Variants in KLHL13 observed in about 807,000 individuals in gnomAD.
The protein encoded by KLHL13 is kelch-like protein 13.
In KLHL13, 10 loss-of-function variants were observed where a neutral mutation model predicts 37.1. That is an observed-to-expected ratio of 0.27 (90% confidence interval 0.17 to 0.46). The LOEUF (loss-of-function observed/expected upper bound fraction) is 0.46, where lower values mean the gene tolerates loss of function less well. Ranked by LOEUF, KLHL13 falls within the 20% of genes least tolerant of loss-of-function variation. The pLI, the probability that KLHL13 is intolerant of heterozygous loss-of-function variation, is 1.00. For missense variants in KLHL13, 360 were observed against 509.3 expected (o/e 0.71, Z 2.82); for synonymous variants, 163 against 181.2 (o/e 0.90, Z 0.81).
At chrX:118,019,487 T>C (rs2054172992) in intron 1 of KLHL13, among the ~76,000 whole-genome samples, 1 of 110,589 alleles carries the variant, frequency 9.0e-6, no homozygotes, top group Non-Finnish European at 1.9e-5. Flanking sequence ...GCAGAAGCTC[T>C]TTAGTTGAAT....
At chrX:118,077,195 T>C (rs2054938539) in intron 1 of KLHL13, among the ~76,000 whole-genome samples, 1 of 111,361 alleles carries the variant, frequency 9.0e-6, no homozygotes, top group African/African-American at 3.3e-5. Context: ...TCCAATGAAC[T>C]AGGCTAGGTA....
chrX:117,951,520 GTTT>G (rs1238913265), intron 1 of KLHL13, among the ~76,000 whole-genome samples: 1 of 111,039 alleles, frequency 9.0e-6, no homozygotes, highest in Non-Finnish European at 1.9e-5. Context: ...GTTATTTGTA[GTTT>G]TTTTAATGAC....
At chrX:117,902,828 C>A (rs1471958351) in intron 5 of KLHL13, among the ~76,000 whole-genome samples, 1 of 110,839 alleles carries the variant, frequency 9.0e-6, no homozygotes, top group African/African-American at 3.3e-5. Flanking sequence ...GCAGACACTG[C>A]CAACTGCTAA....
At position 118,030,259 on chromosome X, in the gene KLHL13, T is replaced by G. The variant is rs1363788084; in HGVS notation, c.-55-84684A>C. 6.2e-5 allele frequency among the ~76,000 whole-genome samples: 7 copies of G among 112,019 alleles called. 1 individual carries two copies. In the East Asian group the frequency reaches 2.0e-3, roughly 31 times the overall value. The stretch of plus-strand genomic sequence containing the variant: ...CTGAGTAGGTTAAATGAAATTAATA[T>G]TTTACACACTCTCACATGAACTGAC... On this transcript the variant is annotated intron_variant, in intron 1 of 6. Coordinates refer to the KLHL13 transcript ENST00000371882.
intron 1 of KLHL13, among the ~76,000 whole-genome samples, chrX:118,098,106 G>A (rs1340790723): frequency 1.8e-5 from 2 of 111,871 alleles, no homozygotes; most frequent in African/African-American, 6.5e-5. Context: ...AAGAGCTTCT[G>A]CACAGCAAAA....
chrX:118,073,836 G>A (rs2148119341), intron 1 of KLHL13, among the ~76,000 whole-genome samples: 1 of 111,368 alleles, frequency 9.0e-6, no homozygotes, highest in Non-Finnish European at 1.9e-5. Context: ...ATGTGAGCCT[G>A]CCTCTATTTC....
chrX:118,069,257 C>T (rs1362464746), intron 1 of KLHL13, among the ~76,000 whole-genome samples: 1 of 109,539 alleles, frequency 9.1e-6, no homozygotes, highest in Non-Finnish European at 1.9e-5. Flanking sequence ...AGCATTGTTA[C>T]CATAGGAAAT....
intron 1 of KLHL13, among the ~76,000 whole-genome samples, chrX:117,952,958 G>A (rs1271653524): frequency 9.0e-6 from 1 of 111,232 alleles, no homozygotes; most frequent in African/African-American, 3.3e-5. Context: ...CTGTTGGTGG[G>A]ACTGTAAACT....
chrX:117,957,972 C>T (rs901479226), intron 1 of KLHL13, among the ~76,000 whole-genome samples: 6 of 111,554 alleles, frequency 5.4e-5, no homozygotes, highest in African/African-American at 2.0e-4. Flanking sequence ...TTTGATGAAC[C>T]ATGACTAAAG....
chrX:118,077,625 A>G (rs1211469031), intron 1 of KLHL13, among the ~76,000 whole-genome samples: 1 of 110,704 alleles, frequency 9.0e-6, no homozygotes, highest in Non-Finnish European at 1.9e-5. Flanking sequence ...ATGTGCACAA[A>G]TACATGTTTA....
chrX:117,908,386 C>T (rs1473547109), intron 5 of KLHL13, among the ~76,000 whole-genome samples: 2 of 108,868 alleles, frequency 1.8e-5, no homozygotes, highest in Non-Finnish European at 1.9e-5. Context: ...AATGCTATCC[C>T]TCCCCTAGCC....
At position 118,030,357 on chromosome X, in the gene KLHL13, T is replaced by C. The variant is rs778639950; in HGVS notation, c.-55-84782A>G. Among the ~76,000 whole-genome samples the C allele has an allele frequency of 2.7e-5, 3 of 112,214 alleles. No homozygotes were observed. The South Asian group carries it at 1.1e-3, about 41-fold the overall frequency. On this transcript the variant is annotated intron_variant, in intron 1 of 6. Transcript: ENST00000371882. ...AGATGTTAAAATTTTTTAATTATGT[T>C]TAGACTATACAATTATTTAGAAGAT...
chrX:118,050,190 T>C (rs1347437205), intron 1 of KLHL13, among the ~76,000 whole-genome samples: 1 of 112,070 alleles, frequency 8.9e-6, no homozygotes, highest in Non-Finnish European at 1.9e-5. Flanking sequence ...CTGGCCTCCT[T>C]CTTTCCTGAC....
intron 1 of KLHL13, among the ~76,000 whole-genome samples, chrX:118,098,753 T>C (rs1414439632): frequency 9.5e-6 from 1 of 105,815 alleles, no homozygotes; most frequent in African/African-American, 3.5e-5. Context: ...CCATAAAAAA[T>C]GATGAGTTCA....
At position 117,992,363 on chromosome X, in the gene KLHL13, T is replaced by C. The variant is rs139389208; in HGVS notation, c.-55-46788A>G. On this transcript the variant is annotated intron_variant, in intron 1 of 6. Coordinates refer to the KLHL13 transcript ENST00000371882. ...TCTCTGCTCCCAGGCTCTGGAGCAC[T>C]GTCCCTGGGATAGTTCACTACTAAG... Among the ~76,000 whole-genome samples, 167 of 111,322 alleles carry C rather than the reference T, an allele frequency of 1.5e-3. 2 individuals carry two copies. The highest frequency in any genetic ancestry group is 5.3e-3 in the African/African-American group (162 of 30,614).
intron 2 of KLHL13, among the ~76,000 whole-genome samples, chrX:117,930,242 G>GAGGAAGGA (rs757311737): frequency 0.06 from 3,756 of 62,805 alleles, 234 homozygotes; most frequent in East Asian, 0.093. Flanking sequence ...GGAAGGAAGG[G>GAGGAAGGA]AGGAAGGAAG....
At chrX:118,014,067 G>T (rs773554978) in intron 1 of KLHL13, among the ~76,000 whole-genome samples, 1 of 111,969 alleles carries the variant, frequency 8.9e-6, no homozygotes, top group African/African-American at 3.2e-5. Context: ...TTAAATCAGT[G>T]CACCCTAAGA....
intron 2 of KLHL13, among the ~76,000 whole-genome samples, chrX:117,933,576 G>C (rs1932576800): frequency 9.0e-6 from 1 of 111,505 alleles, no homozygotes; most frequent in South Asian, 3.7e-4. Flanking sequence ...CAGGATAAAT[G>C]TTCATGAAAT....
chrX:117,975,557 AT>A (rs2053588182), upstream of KLHL13, among the ~76,000 whole-genome samples: 1 of 111,393 alleles, frequency 9.0e-6, no homozygotes, highest in African/African-American at 3.3e-5. Context: ...TGCCTGGCTA[AT>A]TTTTGTATTT....
Sources: gnomAD v4.1 joint callset for allele counts (sites outside exome capture counted in the v4.1 genomes callset) on GRCh38, gnomAD v4.1.1 for gene constraint, MANE v1.5 for transcripts, NCBI Gene and HGNC (gene_info 2026-07-23, HGNC 2026-07-21) for gene names.